GPHN: variants seen among roughly 807,000 people sequenced by gnomAD.
GPHN encodes gephyrin.
A neutral mutation model predicts 95.5 loss-of-function variants in GPHN; 17 were observed. The observed-to-expected ratio is 0.18, with a 90% CI of 0.12 to 0.27. The LOEUF (loss-of-function observed/expected upper bound fraction) is 0.27. Ranked by LOEUF, GPHN falls within the 10% of genes least tolerant of loss-of-function variation. GPHN has a pLI of 1.00. For synonymous variants in GPHN, 320 were observed against 322.5 expected, an observed-to-expected ratio of 0.99 and a Z score of 0.08; for missense variants, 660 against 978.1, an observed-to-expected ratio of 0.67 and a Z score of 4.34.
intron 2 of GPHN, among the ~76,000 whole-genome samples, chr14:66,704,893 A>G (rs1042061384): frequency 1.3e-5 from 2 of 152,208 alleles, no homozygotes; most frequent in Non-Finnish European, 2.9e-5. Context: ...ATTTGAAAAG[A>G]TTAACACAGT....
the GPHN span, chr14:67,302,253 T>C: frequency 8.8e-7 from 1 of 1,138,884 alleles, no homozygotes. Context: ...GGTCAACTTT[T>C]AAATCTAATT....
chr14:67,716,195 T>TG, the GPHN span, among the ~76,000 whole-genome samples: 1 of 111,106 alleles, frequency 9.0e-6, no homozygotes, highest in Non-Finnish European at 1.9e-5. Context: ...AGACTCCGTC[T>TG]CAAAAAAAAA....
chr14:66,871,924 G>A lies in GPHN; in HGVS notation c.295-8015G>A, dbSNP rs74939364. Among the ~76,000 whole-genome samples, 259 of 152,064 alleles carry A rather than the reference G, an allele frequency of 1.7e-3. 6 individuals are homozygous for A. The East Asian group carries it at 0.044, about 26-fold the overall frequency. On this transcript the variant is annotated intron_variant, in intron 4 of 22. Transcript: ENST00000478722. ...CCTGCACATTCTGCACATGTATACC[G>A]GAGCTTAAAGTAAAATTTAAAAAAA...
Position 66,776,507 on chromosome 14 carries a change from A to G in GPHN, c.187A>G (p.Ile63Val). 6.4e-7 allele frequency: 1 copy of G among 1,573,718 alleles called. No individual in the cohort carries two copies. The change falls in exon 3 of 23, where the codon ATA (isoleucine) becomes GTA (valine). Residue 63 changes from isoleucine to valine, a missense_variant. By Grantham distance (29) the Ile-to-Val change is conservative. Coordinates refer to ENST00000478722, the MANE Select transcript of GPHN (RefSeq NM_020806.5). ...AGCATACAAGATAGTACCAGATGAA[A>G]TAGAAGAAATCAAGGTATAGTATGG... ...ISAYKIVPDE[I>V]EEIKETLIDW...
rs190673986 is a variant in GPHN, at chr14:66,759,011, G to A, written c.144-17453G>A. Among the ~76,000 whole-genome samples the A allele has an allele frequency of 3.3e-5, 5 of 152,236 alleles. No individual in the cohort carries two copies. In the East Asian group the frequency reaches 9.6e-4, roughly 29 times the overall value. On this transcript the variant is annotated intron_variant, in intron 2 of 22. Transcript: ENST00000478722. The stretch of plus-strand genomic sequence containing the variant: ...TTTTGTCAAAAACAAATCATGATAG[G>A]ACTGAGTTGTTTGCAAAATAAATTT...
At chr14:67,506,052 G>A in the GPHN span, among the ~76,000 whole-genome samples, 5 of 152,168 alleles carry the variant, frequency 3.3e-5, no homozygotes, top group Admixed American at 1.3e-4. Context: ...GCAATTGGGA[G>A]GGTAAGGAGA....
At chr14:66,924,079 G>A in intron 7 of GPHN, 115 bp from the exon 8 acceptor site, 2 of 703,718 alleles carry the variant, frequency 2.8e-6, no homozygotes, top group Admixed American at 4.1e-5. Context: ...TTTGGAAAAT[G>A]TTAGCATTTC....
intron 3 of GPHN, among the ~76,000 whole-genome samples, chr14:66,788,448 C>T (rs2059859766): frequency 6.6e-6 from 1 of 152,148 alleles, no homozygotes; most frequent in Non-Finnish European, 1.5e-5. Flanking sequence ...TTAATGATAA[C>T]ATACTGTAAA....
At chr14:67,258,716 C>T in the GPHN span, among the ~76,000 whole-genome samples, 1 of 152,036 alleles carries the variant, frequency 6.6e-6, no homozygotes, top group East Asian at 1.9e-4. Flanking sequence ...GCCACTATGC[C>T]CAGCCTTCAG....
the GPHN span, among the ~76,000 whole-genome samples, chr14:67,719,714 G>A: frequency 4.6e-5 from 7 of 152,272 alleles, no homozygotes; most frequent in East Asian, 7.7e-4. Context: ...CTGGTCTCAC[G>A]TGATCCTCCT....
chr14:67,657,284 CG>C, the GPHN span: 1 of 152,132 alleles, frequency 6.6e-6, no homozygotes, highest in Admixed American at 6.5e-5. Context: ...CTGGAAAAAA[CG>C]TATGTGGTTA....
At chr14:67,722,902 A>C in the GPHN span, among the ~76,000 whole-genome samples, 9,820 of 152,278 alleles carry the variant, frequency 0.064, 1,003 homozygotes, top group African/African-American at 0.22. Flanking sequence ...GGCCGGGCAG[A>C]GGTGGGGCTG....
At chr14:66,655,838 G>A (rs190101022) in intron 1 of GPHN, among the ~76,000 whole-genome samples, 1 of 151,924 alleles carries the variant, frequency 6.6e-6, no homozygotes, top group East Asian at 1.9e-4. Context: ...ATGCTTTCCC[G>A]CATTGATTCT....
At chr14:67,568,704 G>A in the GPHN span, among the ~76,000 whole-genome samples, 8 of 151,882 alleles carry the variant, frequency 5.3e-5, no homozygotes, top group South Asian at 1.0e-3. Flanking sequence ...TCGTGTGGCC[G>A]CAGTGGCTTC....
At chr14:66,723,894 C>T (rs1024056907) in intron 2 of GPHN, among the ~76,000 whole-genome samples, 1 of 151,822 alleles carries the variant, frequency 6.6e-6, no homozygotes, top group Non-Finnish European at 1.5e-5. Flanking sequence ...TATACAAGCA[C>T]TGATTTTTCT....
chr14:67,591,363 T>C, the GPHN span, among the ~76,000 whole-genome samples: 1 of 152,200 alleles, frequency 6.6e-6, no homozygotes, highest in Non-Finnish European at 1.5e-5. Context: ...ACTAGAAATC[T>C]ATAAAACTAT....
chr14:67,208,385 G>A, the GPHN span: 2 of 1,613,958 alleles, frequency 1.2e-6, no homozygotes, highest in South Asian at 2.2e-5. Flanking sequence ...GGAGATGAAG[G>A]ATAAGACCTC....
At chr14:66,796,398 A>C (rs2060157947) in intron 3 of GPHN, among the ~76,000 whole-genome samples, 1 of 151,862 alleles carries the variant, frequency 6.6e-6, no homozygotes, top group African/African-American at 2.4e-5. Context: ...AACATATGCC[A>C]GCTTAATTTT....
At chr14:66,856,048 TGAA>T (rs1459040888) in intron 4 of GPHN, among the ~76,000 whole-genome samples, 1 of 152,160 alleles carries the variant, frequency 6.6e-6, no homozygotes, top group East Asian at 1.9e-4. Flanking sequence ...CTAGTATTGA[TGAA>T]GAGATCTTTT....
Sources: allele counts gnomAD v4.1 joint callset (sites outside exome capture counted in the v4.1 genomes callset), GRCh38; gene constraint gnomAD v4.1.1; transcripts MANE v1.5; gene names NCBI Gene and HGNC (gene_info 2026-07-23, HGNC 2026-07-21).